Variants in TSKS observed in about 807,000 individuals in gnomAD.
The protein encoded by TSKS is testis specific serine kinase substrate, also known as testis-specific serine kinase substrate.
TSKS carries 27 observed loss-of-function variants against 68.0 expected under a neutral mutation model. That is an observed-to-expected ratio of 0.40 (90% CI 0.29 to 0.55). The LOEUF is 0.55. Among genes scored for constraint, TSKS ranks in the 20% least tolerant of loss-of-function variants. The probability of loss-of-function intolerance (pLI) is 0.53; values close to 1 mark genes in which losing one functional copy is unlikely to be tolerated. For missense variants in TSKS, 806 were observed against 776.0 expected (o/e 1.04, Z -0.46); for synonymous variants, 331 against 340.4 (o/e 0.97, Z 0.30).
At chr19:49,750,651 G>T (rs1228896546) in intron 2 of TSKS, among the ~76,000 whole-genome samples, 2 of 152,168 alleles carry the variant, frequency 1.3e-5, no homozygotes, top group East Asian at 3.8e-4. Context: ...TGGAAGGGAA[G>T]TGGGCACTGG....
At chr19:49,753,237 G>A (rs542211019) in intron 2 of TSKS, among the ~76,000 whole-genome samples, 50 of 152,140 alleles carry the variant, frequency 3.3e-4, no homozygotes, top group Non-Finnish European at 6.0e-4. Flanking sequence ...ACCAGCCTGA[G>A]CAACATAGTA....
chr19:49,748,408 G>C lies in TSKS; in HGVS notation c.461C>G (p.Thr154Ser), dbSNP rs761162606. Residue 154 changes from threonine to serine, a missense_variant, in exon 3 of 11, where the codon ACC becomes AGC. Physicochemically the swap from Thr to Ser is moderately conservative, Grantham distance 58. Transcript: ENST00000246801. ...CTGCACGTGCTGGTTAACCCGGTTGGTCTTTTCCTTCAAGCTGGTGATGGA... is the reference window on the plus strand; with the variant it reads ...CTGCACGTGCTGGTTAACCCGGTTGCTCTTTTCCTTCAAGCTGGTGATGGA... ...KDSITSLKEKTNRVNQHVQSL... is the reference protein window; with the variant it reads ...KDSITSLKEKSNRVNQHVQSL... 1 of 1,614,226 alleles carries C rather than the reference G, an allele frequency of 6.2e-7. No homozygotes were observed. The highest frequency in any genetic ancestry group is 8.5e-7 in the Non-Finnish European group (1 of 1,180,044).
Position 49,747,407 on chromosome 19 carries a change from C to T in TSKS, c.645G>A (p.Gln215=). ...CCCTTACCTCCAGCAGGGCAGAATT[C>T]TGCTTCAAGACGTTGGTTTTGATTT... ...DAEIKTNVLK[Q]NSALLEEKLR... Residue 215 remains glutamine (Q), a synonymous_variant, in exon 5 of 11, where the codon CAG becomes CAA. Coordinates refer to ENST00000246801, the MANE Select transcript of TSKS (RefSeq NM_021733.2). The T allele has an allele frequency of 6.2e-7, 1 of 1,614,226 alleles. No homozygotes were observed. Among genetic ancestry groups the T allele is most frequent in the Non-Finnish European group, 8.5e-7 (1 of 1,180,042 alleles).
intron 4 of TSKS, 44 bp from the exon 5 acceptor site, chr19:49,747,516 T>C (rs1232400737): frequency 6.3e-7 from 1 of 1,599,310 alleles, no homozygotes; most frequent in African/African-American, 1.3e-5. Flanking sequence ...CCCATTCCAG[T>C]TCTGCCTCCC....
At chr19:49,745,500 A>G in intron 6 of TSKS, 104 bp from the exon 7 acceptor site, 1 of 1,014,842 alleles carries the variant, frequency 9.9e-7, no homozygotes, top group Non-Finnish European at 1.4e-6. Flanking sequence ...CGCCCCACTG[A>G]GACCATGCCC....
At chr19:49,762,425 CT>C (rs34463626) in intron 1 of TSKS, among the ~76,000 whole-genome samples, 193 bp from the exon 2 acceptor site, 53,623 of 126,644 alleles carry the variant, frequency 0.42, 10,135 homozygotes, top group Middle Eastern at 0.52. Flanking sequence ...TTCTTTCTTT[CT>C]TTTTTTTTTT....
chr19:49,759,893 C>T (rs2084426568), intron 2 of TSKS, among the ~76,000 whole-genome samples: 2 of 151,896 alleles, frequency 1.3e-5, no homozygotes, highest in Admixed American at 6.6e-5. Flanking sequence ...GTGGTTCATG[C>T]CCGTAATCCT....
intron 2 of TSKS, among the ~76,000 whole-genome samples, chr19:49,760,588 G>A (rs1032282776): frequency 2.0e-5 from 3 of 151,632 alleles, no homozygotes; most frequent in African/African-American, 7.3e-5. Context: ...ACCCGCCTCG[G>A]CCTCCCAAAG....
chr19:49,741,695 C>T (rs2084253560), intron 9 of TSKS, among the ~76,000 whole-genome samples, 190 bp downstream of exon 9: 1 of 152,186 alleles, frequency 6.6e-6, no homozygotes, highest in South Asian at 2.1e-4. Context: ...TGGCCTGTGA[C>T]TCACTCACCA....
chr19:49,757,016 C>T (rs998356663), intron 2 of TSKS, among the ~76,000 whole-genome samples: 18 of 152,234 alleles, frequency 1.2e-4, no homozygotes, highest in South Asian at 2.1e-4. Context: ...GCCGAGATTG[C>T]GCCACTGCAC....
At chr19:49,741,549 C>T (rs2084252350) in intron 9 of TSKS, among the ~76,000 whole-genome samples, 1 of 152,156 alleles carries the variant, frequency 6.6e-6, no homozygotes, top group African/African-American at 2.4e-5. Flanking sequence ...CACCGCCTCT[C>T]TAAAAGTTTA....
chr19:49,741,314 C>T (rs895572120), intron 9 of TSKS, among the ~76,000 whole-genome samples: 2 of 152,216 alleles, frequency 1.3e-5, no homozygotes, highest in Non-Finnish European at 1.5e-5. Context: ...CCTCACTTGT[C>T]TGTCTCACCC....
At chr19:49,747,033 C>T (rs1305844049) in intron 5 of TSKS, 2 of 1,283,162 alleles carry the variant, frequency 1.6e-6, no homozygotes, top group Admixed American at 4.8e-5. Flanking sequence ...ACCCGGCCCT[C>T]CAAGCCCTCC....
At chr19:49,751,109 G>GCCTGA (rs2084346118) in intron 2 of TSKS, among the ~76,000 whole-genome samples, 1 of 151,856 alleles carries the variant, frequency 6.6e-6, no homozygotes, top group African/African-American at 2.4e-5. Context: ...TTCGAGACCA[G>GCCTGA]CCTGACCAAC....
At chr19:49,758,200 T>C (rs2123628807) in intron 2 of TSKS, among the ~76,000 whole-genome samples, 1 of 152,016 alleles carries the variant, frequency 6.6e-6, no homozygotes, top group Middle Eastern at 3.4e-3. Flanking sequence ...TCTGGGTCTC[T>C]GTCTCCCTCT....
At chr19:49,742,397 C>T (rs1031884809) in intron 8 of TSKS, among the ~76,000 whole-genome samples, 2 of 152,096 alleles carry the variant, frequency 1.3e-5, no homozygotes, top group Non-Finnish European at 2.9e-5. Context: ...GGGGTTTCAC[C>T]ATGTTGGCCA....
chr19:49,752,412 G>A (rs959417388), intron 2 of TSKS, among the ~76,000 whole-genome samples: 3 of 151,406 alleles, frequency 2.0e-5, no homozygotes, highest in East Asian at 1.9e-4. Context: ...AACTTGTGTG[G>A]CATCTCCTTG....
At chr19:49,753,570 T>C (rs2084368474) in intron 2 of TSKS, among the ~76,000 whole-genome samples, 1 of 143,902 alleles carries the variant, frequency 6.9e-6, no homozygotes, top group Non-Finnish European at 1.5e-5. Flanking sequence ...TCAATAATAA[T>C]AATAATAATA....
intron 2 of TSKS, 117 bp downstream of exon 2, chr19:49,761,887 G>C: frequency 1.2e-6 from 1 of 801,648 alleles, no homozygotes; most frequent in Non-Finnish European, 2.0e-6. Flanking sequence ...TCTGGGTCTC[G>C]AATGACCAGA....
Sources: allele counts gnomAD v4.1 joint callset (sites outside exome capture counted in the v4.1 genomes callset), GRCh38; gene constraint gnomAD v4.1.1; transcripts MANE v1.5; gene names NCBI Gene and HGNC (gene_info 2026-07-23, HGNC 2026-07-21).